PYROXD2: variants seen among roughly 807,000 people sequenced by gnomAD.
PYROXD2 encodes pyridine nucleotide-disulphide oxidoreductase domain 2, also known as pyridine nucleotide-disulfide oxidoreductase domain-containing protein 2.
A neutral mutation model predicts 71.1 loss-of-function variants in PYROXD2; 69 were observed. The ratio of observed to expected loss-of-function variants is 0.97; its 90% confidence interval spans 0.80 to 1.19. The LOEUF (loss-of-function observed/expected upper bound fraction) is 1.19, where lower values mean the gene tolerates loss of function less well. Ranked by LOEUF, PYROXD2 falls within the 50% of genes most tolerant of loss-of-function variation. The pLI is 0.00. For synonymous variants in PYROXD2, 287 were observed against 302.7 expected (o/e 0.95, Z 0.54); for missense variants, 745 against 748.9 (o/e 0.99, Z 0.06).
At chr10:98,414,477 C>T (rs1280051824) in intron 1 of PYROXD2, among the ~76,000 whole-genome samples, 1 of 152,278 alleles carries the variant, frequency 6.6e-6, no homozygotes, top group African/African-American at 2.4e-5. Flanking sequence ...TCTGCAGACA[C>T]GCAGTAGGAA....
Position 98,388,490 on chromosome 10 carries a change from G to A in PYROXD2, c.1311C>T (p.Cys437=). 1 of 1,609,152 alleles carries A rather than the reference G, an allele frequency of 6.2e-7. No homozygotes were observed. Among genetic ancestry groups the A allele is most frequent in the Non-Finnish European group, 8.5e-7 (1 of 1,178,196 alleles). The part of the protein sequence containing the change: ...LPSHRPVIEL[C]IPSSLDPTLA... ...GGGTGGGGTCCAGCGAGGAAGGGAT[G>A]CAGAGCTCAATCACAGGCCTGTGCG... The change falls in exon 13 of 16, where the codon TGC becomes TGT. Residue 437 remains cysteine (C), a synonymous_variant. Transcript: ENST00000370575.
At chr10:98,395,529 G>C in intron 6 of PYROXD2, 77 bp from the exon 7 acceptor site, 2 of 1,311,188 alleles carry the variant, frequency 1.5e-6, no homozygotes, top group Non-Finnish European at 1.1e-6. Flanking sequence ...GGGGATAAAA[G>C]CATGGAGGAT....
chr10:98,401,566 A>G (rs1843411933), intron 4 of PYROXD2, among the ~76,000 whole-genome samples: 1 of 152,212 alleles, frequency 6.6e-6, no homozygotes. Flanking sequence ...ATTCTCTTAA[A>G]AAGACACTTG....
intron 4 of PYROXD2, among the ~76,000 whole-genome samples, chr10:98,401,267 CAAAAAA>C (rs1189449237): frequency 2.4e-5 from 3 of 127,580 alleles, no homozygotes; most frequent in African/African-American, 9.4e-5. Context: ...AAAAAAAAAA[CAAAAAA>C]AAACAAACAT....
chr10:98,396,310 C>T (rs1843175543), intron 6 of PYROXD2, among the ~76,000 whole-genome samples: 1 of 152,152 alleles, frequency 6.6e-6, no homozygotes, highest in Non-Finnish European at 1.5e-5. Context: ...GAAAAGTCCA[C>T]ACCCAGGTCA....
At chr10:98,390,136 C>T (rs1251869239) in intron 12 of PYROXD2, among the ~76,000 whole-genome samples, 1 of 152,154 alleles carries the variant, frequency 6.6e-6, no homozygotes, top group Non-Finnish European at 1.5e-5. Flanking sequence ...TCCTATAGCG[C>T]CCCTGCCTGT....
rs148243842 is a variant in PYROXD2 at position 98,402,642 on chromosome 10, G to C, written c.316-2385C>G. Among the ~76,000 whole-genome samples the C allele has an allele frequency of 4.4e-4, 67 of 152,344 alleles. No homozygotes were observed. The East Asian group carries it at 0.013, about 29-fold the overall frequency. Reference sequence around the variant, plus strand: ...CGCCTCCAGTTTCTGCTGTCGAGAGGCTTCCTTCTCCAGATCCGTGGCCTG... The same window carrying C: ...CGCCTCCAGTTTCTGCTGTCGAGAGCCTTCCTTCTCCAGATCCGTGGCCTG... On this transcript the variant is annotated intron_variant, in intron 4 of 15. Coordinates refer to ENST00000370575, the MANE Select transcript of PYROXD2 (RefSeq NM_032709.3).
chr10:98,407,553 G>C (rs761253038), intron 4 of PYROXD2, 29 bp downstream of exon 4: 1 of 1,611,780 alleles, frequency 6.2e-7, no homozygotes, highest in Admixed American at 1.7e-5. Flanking sequence ...TCCTCCCTCC[G>C]TGCAATCGGG....
At chr10:98,403,129 G>A (rs982386376) in intron 4 of PYROXD2, among the ~76,000 whole-genome samples, 46 of 152,218 alleles carry the variant, frequency 3.0e-4, no homozygotes, top group South Asian at 2.1e-4. Context: ...CGATGCTGGC[G>A]GGGGCCGGGG....
intron 8 of PYROXD2, among the ~76,000 whole-genome samples, chr10:98,393,656 C>T (rs551245190): frequency 1.6e-4 from 24 of 152,248 alleles, no homozygotes; most frequent in African/African-American, 5.3e-4. Context: ...TAGTGCCCCT[C>T]ATTGGACCCC....
chr10:98,407,622 C>T lies in PYROXD2; in HGVS notation c.275G>A (p.Ser92Asn), dbSNP rs766265561. Residue 92 changes from serine to asparagine, a missense_variant, in exon 4 of 16, where the codon AGC (serine) becomes AAC (asparagine). Ser to Asn is a conservative substitution (Grantham distance 46). Coordinates refer to ENST00000370575, the MANE Select transcript of PYROXD2 (RefSeq NM_032709.3). The stretch of plus-strand genomic sequence containing the variant: ...AGTGTAAATCTGCGGCCTCAGCAGG[C>T]TGAGCAGGTAGGACGCGCGGGAGAA... ...FKFSRASYLL[S>N]LLRPQIYTDL... is the part of the protein sequence containing the mutation. The T allele has an allele frequency of 6.2e-7, 1 of 1,613,992 alleles. No homozygotes were observed. The highest frequency in any genetic ancestry group is 8.5e-7 in the Non-Finnish European group (1 of 1,180,002).
chr10:98,397,594 C>T (rs1243871514), intron 5 of PYROXD2, 96 bp from the exon 6 acceptor site: 33 of 1,413,326 alleles, frequency 2.3e-5, no homozygotes, highest in Admixed American at 7.7e-5. Context: ...CTTGACGGTT[C>T]CTCAGGCCTC....
intron 2 of PYROXD2, among the ~76,000 whole-genome samples, chr10:98,409,466 C>T (rs1290823573): frequency 1.3e-5 from 2 of 152,218 alleles, no homozygotes; most frequent in Non-Finnish European, 2.9e-5. Flanking sequence ...TGAGGCAACC[C>T]GAGGTTCCCC....
At chr10:98,386,656 T>C (rs369222415) in intron 14 of PYROXD2, among the ~76,000 whole-genome samples, 2 of 151,986 alleles carry the variant, frequency 1.3e-5, no homozygotes, top group East Asian at 1.9e-4. Context: ...GCTCAAGCGA[T>C]CATCCTGTTT....
intron 12 of PYROXD2, among the ~76,000 whole-genome samples, chr10:98,388,762 G>A (rs1360230793): frequency 6.6e-6 from 1 of 151,936 alleles, no homozygotes; most frequent in Non-Finnish European, 1.5e-5. Context: ...ATCACACGCT[G>A]TGCTCTAACC....
chr10:98,389,699 G>A lies in PYROXD2; in HGVS notation c.1292+899C>T, dbSNP rs138884241. On this transcript the variant is annotated intron_variant, in intron 12 of 15. Coordinates refer to ENST00000370575, the MANE Select transcript of PYROXD2 (RefSeq NM_032709.3). The stretch of plus-strand genomic sequence containing the variant: ...GTATTCTCACTTCCTTCCGGTCTCC[G>A]CTCAAGTGCCACGTTATTAGAGAAG... Among the ~76,000 whole-genome samples the A allele has an allele frequency of 3.0e-3, 452 of 152,220 alleles. 2 individuals are homozygous for A. Among genetic ancestry groups the A allele is most frequent in the African/African-American group, 0.011 (439 of 41,532 alleles).
chr10:98,387,200 C>T lies in PYROXD2; in HGVS notation c.1554+1G>A, dbSNP rs1227562719. The T allele has an allele frequency of 3.1e-6, 5 of 1,611,946 alleles. No individual in the cohort carries two copies. Among genetic ancestry groups the T allele is most frequent in the East Asian group, 2.2e-5 (1 of 44,866 alleles). On this transcript the variant is annotated splice_donor_variant, in intron 14 of 15. Transcript: ENST00000370575. LOFTEE classifies it high-confidence loss of function. ...GAGAGACCCCCTAGGCTTATACATA[C>T]CCCTCCAGGAAGCCCGAAGATTCTC... is the stretch of plus-strand genomic sequence containing the variant.
In PYROXD2 at chr10:98,383,827, C is replaced by A; in HGVS notation, c.1717G>T (p.Val573Leu). Residue 573 changes from valine to leucine, a missense_variant, in exon 16 of 16, where the codon GTG (valine) becomes TTG (leucine). Val to Leu is a conservative substitution (Grantham distance 32). Coordinates refer to ENST00000370575, the MANE Select transcript of PYROXD2 (RefSeq NM_032709.3). Reference sequence around the variant, plus strand: ...ATGCTCTTGAGGTCCCTAAAGGCCACATGTGCTGCATTTCGCCCAGCAGCT... The same window carrying A: ...ATGCTCTTGAGGTCCCTAAAGGCCAAATGTGCTGCATTTCGCCCAGCAGCT... ...MGAAGRNAAH[V>L]AFRDLKSM 1 of 1,614,030 alleles carries A rather than the reference C, an allele frequency of 6.2e-7. No individual in the cohort carries two copies. Among genetic ancestry groups the A allele is most frequent in the Non-Finnish European group, 8.5e-7 (1 of 1,180,014 alleles).
chr10:98,387,563 C>T lies in PYROXD2; in HGVS notation c.1448-256G>A, dbSNP rs78919932. 5.1e-3 allele frequency among the ~76,000 whole-genome samples: 777 copies of T among 152,060 alleles called. 6 individuals are homozygous for T. Among genetic ancestry groups the T allele is most frequent in the African/African-American group, 0.018 (735 of 41,468 alleles). On this transcript the variant is annotated intron_variant, in intron 13 of 15. Transcript: ENST00000370575. The stretch of plus-strand genomic sequence containing the variant: ...CACTTCCCTACCCCAACCTTAAACA[C>T]GAAGCTGCTGATCTCCTTTTGCATA...
Sources: allele counts gnomAD v4.1 joint callset (sites outside exome capture counted in the v4.1 genomes callset), GRCh38; gene constraint gnomAD v4.1.1; transcripts MANE v1.5; gene names NCBI Gene and HGNC (gene_info 2026-07-23, HGNC 2026-07-21).